The following PHTF1 variants were observed in gnomAD, a reference collection of about 807,000 sequenced individuals.
The protein encoded by PHTF1 is putative homeodomain transcription factor 1.
Under a neutral mutation model 102.4 loss-of-function variants are expected in PHTF1, and 88 were observed. That is an observed-to-expected ratio of 0.86 (90% confidence interval 0.72 to 1.03). The LOEUF (loss-of-function observed/expected upper bound fraction) is 1.03. Among genes scored for constraint, PHTF1 ranks in the 50% least tolerant of loss-of-function variants. The probability of loss-of-function intolerance (pLI) is 0.00; values close to 1 mark genes in which losing one functional copy is unlikely to be tolerated. For synonymous variants in PHTF1, 289 were observed against 305.2 expected (o/e 0.95, Z 0.55); for missense variants, 814 against 909.5 (o/e 0.89, Z 1.35).
chr1:113,704,111 T>C lies in PHTF1; in HGVS notation c.1860A>G (p.Thr620=), dbSNP rs190019290. The C allele has an allele frequency of 1.9e-6, 3 of 1,613,448 alleles. No homozygotes were observed. Among genetic ancestry groups the C allele is most frequent in the Admixed American group, 1.7e-5 (1 of 59,998 alleles). ...CACAACAAATGAAAGCAATCGAAAG[T>C]GTCAGTAGGAAAACCGAGGATACAA... ...DVVVSSVFLL[T]LSIAFICCAQ... The change falls in exon 15 of 19, where the codon ACA becomes ACG. Residue 620 remains threonine, a synonymous_variant. Transcript: ENST00000369604.
intron 5 of PHTF1, among the ~76,000 whole-genome samples, chr1:113,733,762 T>A (rs1429035657): frequency 6.6e-6 from 1 of 152,186 alleles, no homozygotes; most frequent in Non-Finnish European, 1.5e-5. Flanking sequence ...TAGGCCATGA[T>A]ATTTTTGTTG....
intron 11 of PHTF1, among the ~76,000 whole-genome samples, chr1:113,709,740 T>C (rs1396052711): frequency 6.6e-6 from 1 of 152,198 alleles, no homozygotes; most frequent in Admixed American, 6.5e-5. Flanking sequence ...ACATAACAGA[T>C]GGTAAAAAAT....
rs541920906 is a variant in PHTF1, at chr1:113,715,784, TCAAA to T, written c.624-2350_624-2347del. 1.2e-4 allele frequency among the ~76,000 whole-genome samples: 13 copies of T among 107,620 alleles called. 1 individual carries two copies. The South Asian group carries it at 3.2e-3, about 26-fold the overall frequency. 70.6% of individuals were successfully genotyped at this position (107,620 alleles called of 152,430 possible). On this transcript the variant is annotated intron_variant, in intron 7 of 18. Transcript: ENST00000369604. Reference sequence around the variant, plus strand: ...GAGTGAAATAACTAAAAAAAAAAAATCAAACAAATTCTGGAGCTGAAAAATGCAA... The same window carrying T: ...GAGTGAAATAACTAAAAAAAAAAAATCAAATTCTGGAGCTGAAAAATGCAA...
chr1:113,720,651 G>A (rs983813658), intron 7 of PHTF1, among the ~76,000 whole-genome samples: 9 of 152,250 alleles, frequency 5.9e-5, no homozygotes, highest in Non-Finnish European at 8.8e-5. Context: ...GAGTGTCTAC[G>A]GCTTTTCCAG....
In PHTF1 at chr1:113,738,751, T is replaced by C; in HGVS notation, c.151A>G (p.Ile51Val). ...KKMGHIKPDL[I>V]DVDLIRGSTF... ...TAACCTCTGATTAAGTCAACGTCAA[T>C]CAAGTCTGGCTTTATGTGGCCCATC... The change falls in exon 4 of 19, where the codon ATT (isoleucine) becomes GTT (valine). Residue 51 changes from isoleucine (I) to valine (V), a missense_variant. Coordinates refer to ENST00000369604, the MANE Select transcript of PHTF1 (RefSeq NM_001323043.2). 6.2e-7 allele frequency: 1 copy of C among 1,602,012 alleles called. No homozygotes were observed. Among genetic ancestry groups the C allele is most frequent in the Non-Finnish European group, 8.5e-7 (1 of 1,173,716 alleles).
intron 2 of PHTF1, 62 bp from the exon 3 acceptor site, chr1:113,757,817 A>T (rs1659105374): frequency 1.9e-6 from 2 of 1,062,192 alleles, no homozygotes; most frequent in South Asian, 1.3e-5. Flanking sequence ...TTATTAAGTC[A>T]AGCCTCATAA....
intron 3 of PHTF1, among the ~76,000 whole-genome samples, chr1:113,748,010 G>A (rs1657483729): frequency 6.6e-6 from 1 of 152,094 alleles, no homozygotes; most frequent in Admixed American, 6.6e-5. Flanking sequence ...ACAGAATCTC[G>A]CTTGTCGCCC....
intron 11 of PHTF1, among the ~76,000 whole-genome samples, chr1:113,707,211 G>A (rs188203259): frequency 2.6e-5 from 4 of 152,298 alleles, no homozygotes; most frequent in Admixed American, 6.5e-5. Context: ...AGTAAAGGAA[G>A]AGAGATACTA....
intron 5 of PHTF1, among the ~76,000 whole-genome samples, chr1:113,737,093 A>G (rs1249633209): frequency 6.6e-6 from 1 of 152,250 alleles, no homozygotes; most frequent in Non-Finnish European, 1.5e-5. Flanking sequence ...TGATCATGGC[A>G]GTAGAGACTG....
Position 113,710,397 on chromosome 1 carries a change from A to AG in PHTF1, c.1125dup (p.Ser376LeufsTer4). 6.2e-7 allele frequency: 1 copy of AG among 1,614,118 alleles called. No homozygotes were observed. Among genetic ancestry groups the AG allele is most frequent in the Non-Finnish European group, 8.5e-7 (1 of 1,179,988 alleles). ...TCCCATAACATGTCCTCAGTCTCCG[A>AG]GTCATGGCGGGTGCTTTCTGAGTCT... On this transcript the variant is annotated frameshift_variant, in exon 11 of 19. Transcript: ENST00000369604. LOFTEE classifies it high-confidence loss of function.
chr1:113,742,848 C>T (rs1656624153), intron 3 of PHTF1, among the ~76,000 whole-genome samples: 1 of 151,916 alleles, frequency 6.6e-6, no homozygotes, highest in African/African-American at 2.4e-5. Context: ...ACTTTTTTTT[C>T]TCTGGGACAG....
chr1:113,716,986 T>G (rs183221482), intron 7 of PHTF1, among the ~76,000 whole-genome samples: 85 of 152,138 alleles, frequency 5.6e-4, no homozygotes, highest in Non-Finnish European at 7.4e-4. Context: ...ATGAACCAAC[T>G]TAAAAGAATA....
intron 3 of PHTF1, among the ~76,000 whole-genome samples, chr1:113,748,544 T>A (rs1376286663): frequency 6.6e-6 from 1 of 152,162 alleles, no homozygotes; most frequent in Admixed American, 6.5e-5. Flanking sequence ...TATTTATGTG[T>A]TTATTTTTGA....
At chr1:113,731,766 G>A (rs983405557) in intron 5 of PHTF1, among the ~76,000 whole-genome samples, 6 of 150,996 alleles carry the variant, frequency 4.0e-5, no homozygotes, top group South Asian at 2.1e-4. Context: ...GCATGGTAGC[G>A]GGTACCTGTA....
chr1:113,718,544 G>C (rs975460752), intron 7 of PHTF1, among the ~76,000 whole-genome samples: 6 of 152,354 alleles, frequency 3.9e-5, no homozygotes, highest in Admixed American at 3.3e-4. Flanking sequence ...TACCCTCACA[G>C]AGGTTCTCCA....
intron 5 of PHTF1, among the ~76,000 whole-genome samples, chr1:113,728,490 C>G (rs879443776): frequency 2.6e-5 from 4 of 152,202 alleles, no homozygotes; most frequent in African/African-American, 2.4e-5. Context: ...AACCCCCGTA[C>G]ACTGTTGGTG....
At chr1:113,708,491 T>C (rs1395514353) in intron 11 of PHTF1, among the ~76,000 whole-genome samples, 1 of 152,070 alleles carries the variant, frequency 6.6e-6, no homozygotes, top group Admixed American at 6.5e-5. Context: ...CCAGGTGTGG[T>C]GGCAGGCGGC....
chr1:113,716,132 CA>C (rs1651991910), intron 7 of PHTF1, among the ~76,000 whole-genome samples: 1 of 151,906 alleles, frequency 6.6e-6, no homozygotes, highest in African/African-American at 2.4e-5. Flanking sequence ...CAATACCAAA[CA>C]GATTTAACAC....
In PHTF1 at chr1:113,711,756, G is replaced by T. The variant is rs766657228; in HGVS notation, c.1037C>A (p.Ala346Asp). ...AAAGGGATACTTTACCTGGCTGAAGGCTGCTGATTCAAATTCTGATTCAGC... is the reference window on the plus strand; with the variant it reads ...AAAGGGATACTTTACCTGGCTGAAGTCTGCTGATTCAAATTCTGATTCAGC... ...SLAESEFESA[A>D]FSQGSRSGVS... Residue 346 changes from alanine (A) to aspartate (D), a missense_variant, in exon 10 of 19, where the codon GCC (alanine) becomes GAC (aspartate). Ala to Asp is a moderately radical substitution (Grantham distance 126, BLOSUM62 -2). Coordinates refer to ENST00000369604, the MANE Select transcript of PHTF1 (RefSeq NM_001323043.2). The T allele has an allele frequency of 3.7e-6, 6 of 1,611,326 alleles. No individual in the cohort carries two copies. Among genetic ancestry groups the T allele is most frequent in the Middle Eastern group, 1.6e-4 (1 of 6,076 alleles).
Sources: gnomAD v4.1 joint callset for allele counts (sites outside exome capture counted in the v4.1 genomes callset) on GRCh38, gnomAD v4.1.1 for gene constraint, MANE v1.5 for transcripts, NCBI Gene and HGNC (gene_info 2026-07-23, HGNC 2026-07-21) for gene names.